MYRF: variants seen among roughly 807,000 people sequenced by gnomAD.
MYRF encodes the protein myelin regulatory factor, also known as myelin gene regulatory factor.
In MYRF, 16 loss-of-function variants were observed where a neutral mutation model predicts 126.3. That is an observed-to-expected ratio of 0.13 (90% CI 0.09 to 0.19). The LOEUF (loss-of-function observed/expected upper bound fraction) is 0.19. Among genes scored for constraint, MYRF ranks in the 10% least tolerant of loss-of-function variants. The pLI, the probability that MYRF is intolerant of heterozygous loss-of-function variation, is 1.00. For missense variants in MYRF, 1,104 were observed against 1,547.0 expected (o/e 0.71, Z 4.80); for synonymous variants, 608 against 635.3 (o/e 0.96, Z 0.65).
At position 61,765,668 on chromosome 11, in the gene MYRF, C is replaced by T. The variant is rs1167952805; in HGVS notation, c.90C>T (p.Thr30=). The change falls in exon 2 of 27, where the codon ACC becomes ACT. Residue 30 remains threonine, a synonymous_variant. Transcript: ENST00000278836. ...CCCTGGAGCCCTCCAACATAGACAC[C>T]AGCATCCTGGAGGAGTACATCAGCA... ...NGALEPSNID[T]SILEEYISKE... The T allele has an allele frequency of 1.9e-6, 3 of 1,613,154 alleles. No individual in the cohort carries two copies. The highest frequency in any genetic ancestry group is 2.2e-5 in the East Asian group (1 of 44,866).
At position 61,777,546 on chromosome 11, in the gene MYRF, A is replaced by G. The variant is rs2066419418; in HGVS notation, c.1791+82A>G. Reference sequence around the variant, plus strand: ...GCGGGGCTCCTGGGGAGGGGGCGTGACTACGCGGAAAGGCGGAGCTGCGGG... The same window carrying G: ...GCGGGGCTCCTGGGGAGGGGGCGTGGCTACGCGGAAAGGCGGAGCTGCGGG... On this transcript the variant is annotated intron_variant, in intron 12 of 26. Coordinates refer to ENST00000278836, the MANE Select transcript of MYRF (RefSeq NM_001127392.3). This position sits in a 1 kb window ranked among gnomAD's most constrained non-coding sequence, Gnocchi z 8.8. 2.0e-6 allele frequency: 3 copies of G among 1,486,434 alleles called. No homozygotes were observed. The highest frequency in any genetic ancestry group is 2.7e-6 in the Non-Finnish European group (3 of 1,099,036). 92.1% of individuals were successfully genotyped at this position (1,486,434 alleles called of 1,614,324 possible). A position where few individuals can be genotyped will look rare whatever the true frequency, so the allele number is the denominator to read the frequency against.
intron 3 of MYRF, chr11:61,766,906 A>G (rs1411467726): frequency 2.4e-6 from 1 of 410,874 alleles, no homozygotes; most frequent in Admixed American, 2.6e-5. Context: ...TCTGGGTGGA[A>G]GAGCATTAAA....
chr11:61,777,890 C>T lies in MYRF; in HGVS notation c.1903+45C>T. On this transcript the variant is annotated intron_variant, in intron 13 of 26. Transcript: ENST00000278836. This position sits in a 1 kb window ranked among gnomAD's most constrained non-coding sequence, Gnocchi z 8.8. ...GGACTGGGGTCCGGAAACCCAGAAACCTCGGGCCTCAGTGACCTTGCCCCC... is the reference window on the plus strand; with the variant it reads ...GGACTGGGGTCCGGAAACCCAGAAATCTCGGGCCTCAGTGACCTTGCCCCC... 1 of 1,477,866 alleles carries T rather than the reference C, an allele frequency of 6.8e-7. No homozygotes were observed. The highest frequency in any genetic ancestry group is 9.2e-7 in the Non-Finnish European group (1 of 1,082,652). 91.5% of individuals were successfully genotyped at this position (1,477,866 alleles called of 1,614,324 possible).
chr11:61,760,560 C>G (rs550349324), intron 1 of MYRF, among the ~76,000 whole-genome samples: 69 of 152,140 alleles, frequency 4.5e-4, no homozygotes, highest in Non-Finnish European at 7.9e-4. Context: ...GGATGTCCCT[C>G]GGAGGCTCTG....
At chr11:61,762,736 A>G (rs1436536306) in intron 1 of MYRF, among the ~76,000 whole-genome samples, 1 of 152,148 alleles carries the variant, frequency 6.6e-6, no homozygotes, top group African/African-American at 2.4e-5. Flanking sequence ...CGCGGCCTCC[A>G]GGGCTTCCAG....
At position 61,776,127 on chromosome 11, in the gene MYRF, G is replaced by T. The variant is rs200085065; in HGVS notation, c.1383G>T (p.Pro461=). The change falls in exon 9 of 27, where the codon CCG becomes CCT. Residue 461 remains proline (P), a synonymous_variant. Transcript: ENST00000278836. This position sits in a 1 kb window ranked among gnomAD's most constrained non-coding sequence, Gnocchi z 4.3. Reference sequence around the variant, plus strand: ...ACCGGAGCAAGCGGCCCTTCAACCCGGTCACGTGAGTGTCTGACCCTGTTG... The same window carrying T: ...ACCGGAGCAAGCGGCCCTTCAACCCTGTCACGTGAGTGTCTGACCCTGTTG... The part of the protein sequence containing the change: ...QSDRSKRPFN[P]VTVNLPPEQV... 2 of 1,614,000 alleles carry T rather than the reference G, an allele frequency of 1.2e-6. No homozygotes were observed. Among genetic ancestry groups the T allele is most frequent in the Non-Finnish European group, 1.7e-6 (2 of 1,179,934 alleles).
At chr11:61,771,437 A>G in intron 5 of MYRF, 63 bp from the exon 6 acceptor site, 1 of 1,566,260 alleles carries the variant, frequency 6.4e-7, no homozygotes, top group East Asian at 2.3e-5. Context: ...AGAGGTGGAT[A>G]CTACCCAGTG....
chr11:61,769,336 C>CA lies in MYRF; in HGVS notation c.460+16dup. 1 of 1,602,314 alleles carries CA rather than the reference C, an allele frequency of 6.2e-7. No homozygotes were observed. Among genetic ancestry groups the CA allele is most frequent in the Non-Finnish European group, 8.5e-7 (1 of 1,174,062 alleles). On this transcript the variant is annotated intron_variant, in intron 4 of 26. Coordinates refer to ENST00000278836, the MANE Select transcript of MYRF (RefSeq NM_001127392.3). ...GCAGGTGAATGGTGAGTCCAGCGGG[C>CA]ACCGCCCTCCTGCTCCAGGGTTTGG... is the stretch of plus-strand genomic sequence containing the variant.
At chr11:61,769,346 C>T in intron 4 of MYRF, 25 bp downstream of exon 4, 5 of 1,595,834 alleles carry the variant, frequency 3.1e-6, no homozygotes, top group Non-Finnish European at 4.3e-6. Context: ...CACCGCCCTC[C>T]TGCTCCAGGG....
chr11:61,767,756 C>T (rs1448068659), intron 3 of MYRF, among the ~76,000 whole-genome samples: 1 of 131,480 alleles, frequency 7.6e-6, no homozygotes, highest in Non-Finnish European at 1.5e-5. Flanking sequence ...CCAGGGAGGT[C>T]GAGGCTACAG....
Position 61,776,565 on chromosome 11 carries a change from C to T in MYRF, c.1499+133C>T. ...AGATGAGAGACCTGAGATTTAGAGC[C>T]CTTCATTGACTTAAGGATGGGAAGA... is the stretch of plus-strand genomic sequence containing the variant. On this transcript the variant is annotated intron_variant, in intron 10 of 26. Coordinates refer to ENST00000278836, the MANE Select transcript of MYRF (RefSeq NM_001127392.3). This position sits in a 1 kb window ranked among gnomAD's most constrained non-coding sequence, Gnocchi z 4.3. 1 of 788,616 alleles carries T rather than the reference C, an allele frequency of 1.3e-6. No individual in the cohort carries two copies. The highest frequency in any genetic ancestry group is 1.8e-5 in the South Asian group (1 of 56,094). The allele number at this position is 788,616 out of a possible 1,614,324, so 48.9% of individuals were successfully genotyped here.
chr11:61,774,633 GTGCCTGCCCCTCAGCC>G (rs1349818476), intron 8 of MYRF, among the ~76,000 whole-genome samples: 1 of 145,456 alleles, frequency 6.9e-6, no homozygotes, highest in Admixed American at 7.0e-5. Context: ...TTTTATCCCT[GTGCCTGCCCCTCAGCC>G]TGCCTCCCCC....
At chr11:61,763,095 T>A (rs1487873336) in intron 1 of MYRF, among the ~76,000 whole-genome samples, 1 of 152,084 alleles carries the variant, frequency 6.6e-6, no homozygotes, top group Non-Finnish European at 1.5e-5. Context: ...TCATTCACCG[T>A]AGATTCCAAG....
chr11:61,786,497 AT>A lies in MYRF; in HGVS notation c.*356del. 1 of 296,308 alleles carries A rather than the reference AT, an allele frequency of 3.4e-6. No homozygotes were observed. Among genetic ancestry groups the A allele is most frequent in the Non-Finnish European group, 6.5e-6 (1 of 154,652 alleles). The allele number at this position is 296,308 out of a possible 1,614,324, so 18.4% of individuals were successfully genotyped here. On this transcript the variant is annotated 3_prime_UTR_variant, in exon 27 of 27. Coordinates refer to ENST00000278836, the MANE Select transcript of MYRF (RefSeq NM_001127392.3). The surrounding 1 kb of genome is among the most constrained non-coding windows in gnomAD (Gnocchi z 4.5). ...TGTGGCCCTGATTTGTTCAGAGCCC[AT>A]TCTCCCTTGCCTCCCCTTTTGAGAC...
At chr11:61,763,045 G>A (rs1206037992) in intron 1 of MYRF, among the ~76,000 whole-genome samples, 1 of 152,124 alleles carries the variant, frequency 6.6e-6, no homozygotes, top group African/African-American at 2.4e-5. Flanking sequence ...GAGGGGGCTG[G>A]GTCTGTTATA....
Position 61,779,435 on chromosome 11 carries a change from G to T in MYRF, c.2174+12G>T. ...TCGGGCGCCTTCAGGTAGGGGTGCG[G>T]GGTGGGGGAAGGTGAGACCCTTCTT... is the stretch of plus-strand genomic sequence containing the variant. On this transcript the variant is annotated intron_variant, in intron 15 of 26. Transcript: ENST00000278836. 1 of 1,551,012 alleles carries T rather than the reference G, an allele frequency of 6.4e-7. No individual in the cohort carries two copies. Among genetic ancestry groups the T allele is most frequent in the Non-Finnish European group, 8.7e-7 (1 of 1,146,726 alleles).
intron 22 of MYRF, chr11:61,782,149 C>T: frequency 3.4e-6 from 1 of 295,906 alleles, no homozygotes; most frequent in Non-Finnish European, 6.2e-6. Context: ...CCTGGCTCCT[C>T]CTTCGCCATG....
Position 61,781,265 on chromosome 11 carries a change from T to G in MYRF, c.2700T>G (p.Leu900=). Residue 900 remains leucine, a synonymous_variant, in exon 21 of 27, where the codon CTT becomes CTG. Transcript: ENST00000278836. ...PTTNPTTGPS[L]GPSFNPGHVL... is the part of the protein sequence containing the mutation. ...CCAACCCTACCACTGGTCCTAGTCT[T>G]GGCCCCAGCTTTAACCCTGGCCATG... is the stretch of plus-strand genomic sequence containing the variant. 1 of 1,614,184 alleles carries G rather than the reference T, an allele frequency of 6.2e-7. No homozygotes were observed. The highest frequency in any genetic ancestry group is 8.5e-7 in the Non-Finnish European group (1 of 1,180,028).
intron 3 of MYRF, 27 bp from the exon 4 acceptor site, chr11:61,769,233 C>T (rs1268979942): frequency 1.3e-6 from 2 of 1,496,446 alleles, no homozygotes; most frequent in Non-Finnish European, 1.8e-6. Context: ...CTGCTCACCC[C>T]CCGGCCCCTT....
Sources: gnomAD v4.1 joint callset for allele counts (sites outside exome capture counted in the v4.1 genomes callset) on GRCh38, gnomAD v4.1.1 for gene constraint, Gnocchi (gnomAD v3.1) non-coding constraint, MANE v1.5 for transcripts, NCBI Gene and HGNC (gene_info 2026-07-23, HGNC 2026-07-21) for gene names.